The following SYNDIG1 variants were observed in gnomAD, a reference collection of about 807,000 sequenced individuals.
SYNDIG1 encodes the protein synapse differentiation inducing 1.
In SYNDIG1, 9 loss-of-function variants were observed where a neutral mutation model predicts 19.4. That is an observed-to-expected ratio of 0.46 (90% CI 0.28 to 0.81). The LOEUF is 0.81. SYNDIG1 is among the 30% of genes least tolerant of loss of function. The probability of loss-of-function intolerance (pLI) is 0.12; values close to 1 mark genes in which losing one functional copy is unlikely to be tolerated. For synonymous variants in SYNDIG1, 141 were observed against 145.9 expected, an observed-to-expected ratio of 0.97 and a Z score of 0.24; for missense variants, 311 against 343.3, an observed-to-expected ratio of 0.91 and a Z score of 0.74.
intron 1 of SYNDIG1, among the ~76,000 whole-genome samples, chr20:24,498,229 C>T (rs2056348800): frequency 6.6e-6 from 1 of 152,164 alleles, no homozygotes; most frequent in Admixed American, 6.5e-5. Flanking sequence ...TACTTTGTGC[C>T]ATCACTTCAT....
chr20:24,642,172 T>G (rs995583689), intron 3 of SYNDIG1, among the ~76,000 whole-genome samples: 4 of 152,250 alleles, frequency 2.6e-5, no homozygotes, highest in African/African-American at 9.6e-5. Flanking sequence ...GTTTCTCAAA[T>G]AAGTTTCCTT....
intron 2 of SYNDIG1, among the ~76,000 whole-genome samples, chr20:24,550,598 T>C (rs1189166401): frequency 6.6e-6 from 1 of 151,708 alleles, no homozygotes; most frequent in Non-Finnish European, 1.5e-5. Context: ...AAGCTCTGCC[T>C]CCCGGGTTCA....
chr20:24,582,202 C>A (rs1208066618), intron 2 of SYNDIG1, among the ~76,000 whole-genome samples: 17 of 134,450 alleles, frequency 1.3e-4, no homozygotes, highest in Middle Eastern at 4.0e-3. Flanking sequence ...CACATCCTGC[C>A]CCCTGCACTT....
chr20:24,661,331 A>G (rs1314821896), intron 3 of SYNDIG1, among the ~76,000 whole-genome samples: 19 of 66,456 alleles, frequency 2.9e-4, no homozygotes, highest in African/African-American at 4.3e-4. Context: ...GAGGGAAGAG[A>G]GGGGGAGGAA....
intron 1 of SYNDIG1, among the ~76,000 whole-genome samples, chr20:24,510,476 G>A (rs933065351): frequency 2.6e-5 from 4 of 151,526 alleles, no homozygotes; most frequent in African/African-American, 9.7e-5. Flanking sequence ...GGCTGAGGCA[G>A]GAGAATCTCT....
At chr20:24,540,045 G>A (rs6049767) in intron 1 of SYNDIG1, among the ~76,000 whole-genome samples, 13,978 of 152,136 alleles carry the variant, frequency 0.092, 766 homozygotes, top group African/African-American at 0.13. Context: ...GCCTCCCAAA[G>A]TACTGAGATT....
At chr20:24,525,286 C>CTTTTTTTTTT (rs11471122) in intron 1 of SYNDIG1, among the ~76,000 whole-genome samples, 2 of 106,556 alleles carry the variant, frequency 1.9e-5, no homozygotes, top group Non-Finnish European at 3.8e-5. Flanking sequence ...TCTTCTTCTT[C>CTTTTTTTTTT]TTTTTTTTTT....
At chr20:24,621,610 G>A (rs148783892) in intron 3 of SYNDIG1, among the ~76,000 whole-genome samples, 231 of 152,224 alleles carry the variant, frequency 1.5e-3, no homozygotes, top group African/African-American at 5.2e-3. Flanking sequence ...ACTCTACCCT[G>A]GGAAGGGACA....
intron 3 of SYNDIG1, among the ~76,000 whole-genome samples, chr20:24,595,115 C>A (rs2058575853): frequency 6.6e-6 from 1 of 152,100 alleles, no homozygotes; most frequent in African/African-American, 2.4e-5. Flanking sequence ...ATGCTTCCAA[C>A]TTTTGCCATT....
intron 2 of SYNDIG1, among the ~76,000 whole-genome samples, chr20:24,559,821 T>G (rs2057901072): frequency 6.6e-6 from 1 of 152,184 alleles, no homozygotes; most frequent in Non-Finnish European, 1.5e-5. Context: ...TTGTTTCATA[T>G]AAATAAGACA....
chr20:24,496,244 T>C (rs1019858926), intron 1 of SYNDIG1, among the ~76,000 whole-genome samples: 3 of 152,224 alleles, frequency 2.0e-5, no homozygotes, highest in African/African-American at 7.2e-5. Flanking sequence ...AATTTGACGA[T>C]ACACTTGTCC....
chr20:24,593,896 T>C (rs2147087590), intron 3 of SYNDIG1, among the ~76,000 whole-genome samples: 1 of 152,324 alleles, frequency 6.6e-6, no homozygotes, highest in East Asian at 1.9e-4. Flanking sequence ...TCTTGCTTGT[T>C]AATTTGTTTA....
intron 1 of SYNDIG1, among the ~76,000 whole-genome samples, chr20:24,525,609 A>G (rs773645822): frequency 2.6e-5 from 4 of 152,208 alleles, no homozygotes; most frequent in Admixed American, 6.5e-5. Flanking sequence ...TACTTGATCA[A>G]TTTTTGAAAG....
At chr20:24,508,517 C>T (rs969836300) in intron 1 of SYNDIG1, among the ~76,000 whole-genome samples, 1 of 151,856 alleles carries the variant, frequency 6.6e-6, no homozygotes, top group African/African-American at 2.4e-5. Flanking sequence ...CATGCCCTGC[C>T]CAGGAGGATA....
At chr20:24,528,241 T>G (rs2057168362) in intron 1 of SYNDIG1, among the ~76,000 whole-genome samples, 1 of 152,216 alleles carries the variant, frequency 6.6e-6, no homozygotes, top group Non-Finnish European at 1.5e-5. Context: ...AAGTCCTAAA[T>G]CTTTCATTTG....
At chr20:24,607,953 A>G (rs1273862432) in intron 3 of SYNDIG1, among the ~76,000 whole-genome samples, 4 of 152,318 alleles carry the variant, frequency 2.6e-5, no homozygotes, top group South Asian at 4.2e-4. Flanking sequence ...ACAGAAATCT[A>G]TTTTAAACAC....
At chr20:24,526,746 A>G (rs1228083412) in intron 1 of SYNDIG1, among the ~76,000 whole-genome samples, 2 of 152,070 alleles carry the variant, frequency 1.3e-5, no homozygotes, top group African/African-American at 4.8e-5. Flanking sequence ...TTAAGTCTCT[A>G]AGTAGATTTT....
At chr20:24,541,089 G>A (rs1265454235) in intron 1 of SYNDIG1, among the ~76,000 whole-genome samples, 8 of 152,080 alleles carry the variant, frequency 5.3e-5, no homozygotes, top group African/African-American at 1.9e-4. Context: ...GAGCTGAAAG[G>A]GACCTGAAAA....
chr20:24,584,440 T>A (rs553150458), intron 2 of SYNDIG1, among the ~76,000 whole-genome samples: 1 of 152,280 alleles, frequency 6.6e-6, no homozygotes, highest in African/African-American at 2.4e-5. Flanking sequence ...ACACCGACAG[T>A]GCATGGTGGC....
Sources: allele counts gnomAD v4.1 joint callset (sites outside exome capture counted in the v4.1 genomes callset), GRCh38; gene constraint gnomAD v4.1.1; transcripts MANE v1.5; gene names NCBI Gene and HGNC (gene_info 2026-07-23, HGNC 2026-07-21).